ETV6: variants seen among roughly 807,000 people sequenced by gnomAD.
ETV6 encodes ETS variant transcription factor 6.
A neutral mutation model predicts 51.1 loss-of-function variants in ETV6; 16 were observed. The observed-to-expected ratio is 0.31, with a 90% CI of 0.21 to 0.48. The LOEUF is 0.48. ETV6 is among the 20% of genes least tolerant of loss of function. ETV6 has a pLI of 0.99. For synonymous variants in ETV6, 240 were observed against 224.1 expected (o/e 1.07, Z -0.64); for missense variants, 458 against 594.8 (o/e 0.77, Z 2.39).
At chr12:11,774,098 A>C (rs1333084729) in intron 2 of ETV6, among the ~76,000 whole-genome samples, 2 of 152,204 alleles carry the variant, frequency 1.3e-5, no homozygotes, top group Non-Finnish European at 2.9e-5. Context: ...CACAAGGCCC[A>C]TGGAAGAGGA....
intron 6 of ETV6, 73 bp downstream of exon 6, chr12:11,884,660 A>G: frequency 1.3e-6 from 2 of 1,576,866 alleles, no homozygotes; most frequent in Non-Finnish European, 1.7e-6. Flanking sequence ...TTGGAGGATA[A>G]TCGTCTGTCT....
chr12:11,846,358 A>T (rs1300588099), intron 3 of ETV6, among the ~76,000 whole-genome samples: 1 of 152,240 alleles, frequency 6.6e-6, no homozygotes, highest in Non-Finnish European at 1.5e-5. Context: ...TACATAGCAA[A>T]TCATCACCTG....
chr12:11,755,480 T>C (rs540939059), intron 2 of ETV6, among the ~76,000 whole-genome samples: 1 of 152,294 alleles, frequency 6.6e-6, no homozygotes, highest in East Asian at 1.9e-4. Flanking sequence ...TCCCAGGCTC[T>C]TGCTGTTTGC....
intron 4 of ETV6, among the ~76,000 whole-genome samples, chr12:11,866,578 T>C (rs769088095): frequency 5.3e-5 from 8 of 152,244 alleles, no homozygotes; most frequent in Non-Finnish European, 1.0e-4. Flanking sequence ...AATCTGTTTC[T>C]ATTTTGCCTT....
At chr12:11,861,280 T>C (rs1218275392) in intron 4 of ETV6, among the ~76,000 whole-genome samples, 4 of 152,072 alleles carry the variant, frequency 2.6e-5, no homozygotes, top group Admixed American at 6.5e-5. Flanking sequence ...ACTTAACACC[T>C]TTTTCCCCTG....
chr12:11,683,132 C>T (rs1421303379), intron 1 of ETV6, among the ~76,000 whole-genome samples: 3 of 152,268 alleles, frequency 2.0e-5, no homozygotes. Flanking sequence ...CTGCTCACTA[C>T]ACCCAGGTTC....
chr12:11,845,303 C>G (rs1307157861), intron 3 of ETV6, among the ~76,000 whole-genome samples: 2 of 152,230 alleles, frequency 1.3e-5, no homozygotes, highest in Admixed American at 6.5e-5. Context: ...GCAGATGACG[C>G]TAAACATTGG....
intron 2 of ETV6, among the ~76,000 whole-genome samples, chr12:11,786,636 C>T (rs1945490666): frequency 6.6e-6 from 1 of 152,196 alleles, no homozygotes; most frequent in Admixed American, 6.5e-5. Context: ...TACCCCAAAA[C>T]AGATGTGTGA....
intron 2 of ETV6, among the ~76,000 whole-genome samples, chr12:11,827,977 C>T (rs1286473267): frequency 2.0e-5 from 3 of 152,226 alleles, no homozygotes; most frequent in Non-Finnish European, 1.5e-5. Flanking sequence ...GGATTACAAA[C>T]ATTCTTGCAC....
intron 2 of ETV6, among the ~76,000 whole-genome samples, chr12:11,805,328 C>G (rs1225346263): frequency 6.6e-6 from 1 of 152,208 alleles, no homozygotes; most frequent in East Asian, 1.9e-4. Flanking sequence ...ATTTTGTGCA[C>G]CTCCCTCAAC....
At chr12:11,754,644 T>C (rs1944980187) in intron 2 of ETV6, among the ~76,000 whole-genome samples, 1 of 152,252 alleles carries the variant, frequency 6.6e-6, no homozygotes, top group Non-Finnish European at 1.5e-5. Flanking sequence ...AACTTTAAAG[T>C]ACTATGATTC....
intron 1 of ETV6, among the ~76,000 whole-genome samples, chr12:11,691,615 AC>A: frequency 6.6e-6 from 1 of 152,278 alleles, no homozygotes; most frequent in Admixed American, 6.5e-5. Context: ...TTTGGGACTT[AC>A]TTTTTTACTT....
intron 1 of ETV6, among the ~76,000 whole-genome samples, chr12:11,677,691 T>C (rs960050707): frequency 6.6e-6 from 1 of 152,224 alleles, no homozygotes; most frequent in African/African-American, 2.4e-5. Context: ...GCTTGCTGTG[T>C]AATGTGGTTA....
intron 1 of ETV6, among the ~76,000 whole-genome samples, chr12:11,694,014 T>C (rs7959282): frequency 0.48 from 73,520 of 152,072 alleles, 19,135 homozygotes; most frequent in African/African-American, 0.68. Context: ...CTTGCGAAGA[T>C]AGGATGGAGT....
chr12:11,804,308 G>A (rs1011028716), intron 2 of ETV6, among the ~76,000 whole-genome samples: 2 of 152,148 alleles, frequency 1.3e-5, no homozygotes, highest in Non-Finnish European at 2.9e-5. Context: ...ACTTCCCTGT[G>A]CCAAAACCTC....
At chr12:11,717,819 T>C (rs1194217323) in intron 1 of ETV6, among the ~76,000 whole-genome samples, 2 of 152,186 alleles carry the variant, frequency 1.3e-5, no homozygotes, top group African/African-American at 4.8e-5. Flanking sequence ...TGTCCCCTGA[T>C]ATTCCCTCCC....
chr12:11,657,787 G>C (rs901009666), intron 1 of ETV6, among the ~76,000 whole-genome samples: 4 of 152,234 alleles, frequency 2.6e-5, no homozygotes, highest in Non-Finnish European at 5.9e-5. Context: ...CCACAGTGTA[G>C]TTCCAGTCAC....
intron 2 of ETV6, among the ~76,000 whole-genome samples, chr12:11,779,834 AC>A (rs1945385660): frequency 6.6e-6 from 1 of 152,228 alleles, no homozygotes; most frequent in Admixed American, 6.5e-5. Context: ...ATCCTTCTTT[AC>A]AGAGATAAAA....
chr12:11,886,035 TC>T lies in ETV6; in HGVS notation c.1253+11del. On this transcript the variant is annotated intron_variant, in intron 7 of 7. Coordinates refer to ENST00000396373, the MANE Select transcript of ETV6 (RefSeq NM_001987.5). ...CAAAGGCTTTTGTTCAGGTAGCACT[TC>T]CTTTTTCTCCTTTCCTTCTTTTGGG... 1 of 1,572,490 alleles carries T rather than the reference TC, an allele frequency of 6.4e-7. No homozygotes were observed. The highest frequency in any genetic ancestry group is 8.7e-7 in the Non-Finnish European group (1 of 1,143,036).
Sources: allele counts gnomAD v4.1 joint callset (sites outside exome capture counted in the v4.1 genomes callset), GRCh38; gene constraint gnomAD v4.1.1; transcripts MANE v1.5; gene names NCBI Gene and HGNC (gene_info 2026-07-23, HGNC 2026-07-21).